The following KCTD9 variants were observed in gnomAD, a reference collection of about 807,000 sequenced individuals.
KCTD9 encodes the protein potassium channel tetramerization domain containing 9, also known as BTB/POZ domain-containing protein KCTD9.
KCTD9 carries 17 observed loss-of-function variants against 53.3 expected under a neutral mutation model. The ratio of observed to expected loss-of-function variants is 0.32; its 90% CI spans 0.22 to 0.48. The LOEUF (loss-of-function observed/expected upper bound fraction) is 0.48, where lower values mean the gene tolerates loss of function less well. KCTD9 is among the 20% of genes least tolerant of loss of function. The pLI, the probability that KCTD9 is intolerant of heterozygous loss-of-function variation, is 0.99. For missense variants in KCTD9, 179 were observed against 465.5 expected, an observed-to-expected ratio of 0.38 and a Z score of 5.66; for synonymous variants, 128 against 162.7, an observed-to-expected ratio of 0.79 and a Z score of 1.62.
intron 4 of KCTD9, chr8:25,439,866 CA>C (rs1162640519): frequency 8.9e-7 from 1 of 1,122,738 alleles, no homozygotes; most frequent in Non-Finnish European, 1.2e-6. Context: ...TTGATTTAAA[CA>C]TTGTTTTAGT....
At chr8:25,432,768 G>A (rs927318593) in intron 10 of KCTD9, 131 bp from the exon 11 acceptor site, 13 of 735,918 alleles carry the variant, frequency 1.8e-5, no homozygotes, top group African/African-American at 9.0e-5. Context: ...GTCTCTCAAC[G>A]AACTTATATA....
In KCTD9 at chr8:25,439,744, C is replaced by A. The variant is rs28662100; in HGVS notation, c.312-80G>T. On this transcript the variant is annotated intron_variant, in intron 4 of 11. Transcript: ENST00000221200. ...ATTTAAGTCAAGAGTATACTCGATC[C>A]CAGCTGCTCTCTCAAAAAGATGCAT... The A allele has an allele frequency of 1.5e-4, 237 of 1,598,006 alleles. No homozygotes were observed. The African/African-American group carries it at 3.0e-3, about 20-fold the overall frequency.
intron 1 of KCTD9, among the ~76,000 whole-genome samples, chr8:25,451,042 T>C (rs1163015604): frequency 1.3e-5 from 2 of 152,184 alleles, no homozygotes; most frequent in African/African-American, 2.4e-5. Flanking sequence ...TTCTAGAAAT[T>C]TGAAAATTTC....
At chr8:25,439,784 G>C in intron 4 of KCTD9, 120 bp from the exon 5 acceptor site, 1 of 1,527,894 alleles carries the variant, frequency 6.5e-7, no homozygotes, top group Non-Finnish European at 8.8e-7. Context: ...CAACCTGGTA[G>C]GAGTAACGCT....
At chr8:25,450,667 T>C (rs1361037895) in intron 1 of KCTD9, 1 of 152,978 alleles carries the variant, frequency 6.5e-6, no homozygotes, top group Non-Finnish European at 1.5e-5. Flanking sequence ...CTAATTTTTG[T>C]ATTTTTAGTA....
intron 1 of KCTD9, chr8:25,457,268 G>C: frequency 1.5e-6 from 1 of 675,632 alleles, no homozygotes; most frequent in Non-Finnish European, 1.8e-6. Flanking sequence ...GAGTATTTTG[G>C]CAACCAACAC....
intron 1 of KCTD9, among the ~76,000 whole-genome samples, chr8:25,451,714 C>T (rs1481734695): frequency 6.6e-6 from 1 of 152,178 alleles, no homozygotes; most frequent in Non-Finnish European, 1.5e-5. Context: ...GTACGATTGG[C>T]TAGTTTTAAT....
Position 25,444,315 on chromosome 8 carries a change from A to G in KCTD9, c.191T>C (p.Val64Ala). 1 of 1,610,116 alleles carries G rather than the reference A, an allele frequency of 6.2e-7. No individual in the cohort carries two copies. The highest frequency in any genetic ancestry group is 8.5e-7 in the Non-Finnish European group (1 of 1,178,806). The change falls in exon 3 of 12, where the codon GTT becomes GCT. Residue 64 changes from valine to alanine, a missense_variant. Physicochemically the swap from Val to Ala is moderately conservative, Grantham distance 64. Coordinates refer to ENST00000221200, the MANE Select transcript of KCTD9 (RefSeq NM_017634.4). Reference sequence around the variant, plus strand: ...ACCAATAAATGGCTCTCCTTCACAAACAAACAAAACATCATCATCCCTGGG... The same window carrying G: ...ACCAATAAATGGCTCTCCTTCACAAGCAAACAAAACATCATCATCCCTGGG... ...ALIRDDDVLF[V>A]CEGEPFIDPQ... is the part of the protein sequence containing the mutation.
rs1192482096 is a variant in KCTD9 at position 25,436,402 on chromosome 8, G to A, written c.567+16C>T. The A allele has an allele frequency of 6.2e-7, 1 of 1,607,498 alleles. No homozygotes were observed. The highest frequency in any genetic ancestry group is 8.5e-7 in the Non-Finnish European group (1 of 1,175,316). On this transcript the variant is annotated intron_variant, in intron 7 of 11. Coordinates refer to ENST00000221200, the MANE Select transcript of KCTD9 (RefSeq NM_017634.4). ...TACAATGAATGTAACACTGGCTAAT[G>A]TAAAAACAGGCTTACCTTTATTGCC...
intron 6 of KCTD9, 147 bp from the exon 7 acceptor site, chr8:25,436,632 G>GT (rs1338916968): frequency 1.9e-6 from 1 of 519,484 alleles, no homozygotes; most frequent in Non-Finnish European, 3.4e-6. Context: ...TTTGCCACAA[G>GT]TATCTTTTAC....
chr8:25,455,096 G>A (rs1405155991), intron 1 of KCTD9, among the ~76,000 whole-genome samples: 1 of 152,056 alleles, frequency 6.6e-6, no homozygotes, highest in Non-Finnish European at 1.5e-5. Context: ...ATGGTGGCAA[G>A]CCCCTGTAAT....
At chr8:25,432,478 A>T in intron 11 of KCTD9, 26 bp downstream of exon 11, 1 of 1,601,338 alleles carries the variant, frequency 6.2e-7, no homozygotes, top group East Asian at 2.2e-5. Flanking sequence ...GAGTAATAAA[A>T]ATTCTTAAAG....
chr8:25,449,844 A>C (rs1802285699), intron 1 of KCTD9, among the ~76,000 whole-genome samples: 1 of 152,162 alleles, frequency 6.6e-6, no homozygotes, highest in Admixed American at 6.5e-5. Context: ...AAGAAAAAAA[A>C]ACACAACTAT....
At chr8:25,437,712 A>G (rs967701696) in intron 6 of KCTD9, among the ~76,000 whole-genome samples, 1 of 151,202 alleles carries the variant, frequency 6.6e-6, no homozygotes, top group African/African-American at 2.4e-5. Flanking sequence ...GCTGGGCATC[A>G]TGGTGTGTGC....
intron 1 of KCTD9, among the ~76,000 whole-genome samples, chr8:25,454,839 T>C (rs1802401258): frequency 6.6e-6 from 1 of 152,230 alleles, no homozygotes. Context: ...ATGAGGACTT[T>C]CAGTGACTCA....
At chr8:25,454,550 GAATATT>G (rs1165715608) in intron 1 of KCTD9, among the ~76,000 whole-genome samples, 1 of 152,026 alleles carries the variant, frequency 6.6e-6, no homozygotes, top group Non-Finnish European at 1.5e-5. Context: ...CTCTTACAGG[GAATATT>G]AAAAAGAATA....
chr8:25,447,298 A>T (rs557790860), intron 1 of KCTD9, among the ~76,000 whole-genome samples: 28 of 152,268 alleles, frequency 1.8e-4, no homozygotes, highest in African/African-American at 6.3e-4. Context: ...GAAGCATGAG[A>T]ATTGCTTGAA....
chr8:25,442,092 C>G (rs1802133536), intron 3 of KCTD9, among the ~76,000 whole-genome samples: 1 of 151,930 alleles, frequency 6.6e-6, no homozygotes, highest in Middle Eastern at 3.2e-3. Flanking sequence ...ACAATAGAGT[C>G]CTGAAAGAAG....
rs1239415637 is a variant in KCTD9 at position 25,428,615 on chromosome 8, A to G, written c.*1242T>C. 1 of 152,380 alleles carries G rather than the reference A, an allele frequency of 6.6e-6. No homozygotes were observed. The highest frequency in any genetic ancestry group is 2.4e-5 in the African/African-American group (1 of 41,388). The allele number at this position is 152,380 out of a possible 1,614,324, so 9.4% of individuals were successfully genotyped here. ...GTACAGGCCCTTCCTCTGCTGCTGC[A>G]GAGAGAGAATGACTCAAGAAAATTG... On this transcript the variant is annotated 3_prime_UTR_variant, in exon 12 of 12. Coordinates refer to ENST00000221200, the MANE Select transcript of KCTD9 (RefSeq NM_017634.4).
Sources: allele counts gnomAD v4.1 joint callset (sites outside exome capture counted in the v4.1 genomes callset), GRCh38; gene constraint gnomAD v4.1.1; transcripts MANE v1.5; gene names NCBI Gene and HGNC (gene_info 2026-07-23, HGNC 2026-07-21).